ASMTL: variants seen among roughly 807,000 people sequenced by gnomAD.
ASMTL encodes the protein probable bifunctional dTTP/UTP pyrophosphatase/methyltransferase protein.
A neutral mutation model predicts 60.3 loss-of-function variants in ASMTL; 57 were observed. The ratio of observed to expected loss-of-function variants is 0.95; its 90% CI spans 0.76 to 1.18. The LOEUF is 1.18. Among genes scored for constraint, ASMTL ranks in the 50% most tolerant of loss-of-function variants. The probability of loss-of-function intolerance (pLI) is 0.00; values close to 1 mark genes in which losing one functional copy is unlikely to be tolerated. For synonymous variants in ASMTL, 419 were observed against 373.0 expected (o/e 1.12, Z -1.42); for missense variants, 981 against 852.6 (o/e 1.15, Z -1.88).
At chrX:1,420,978 G>C (rs1195557538) in intron 9 of ASMTL, among the ~76,000 whole-genome samples, 1 of 98,384 alleles carries the variant, frequency 1.0e-5, no homozygotes, top group Non-Finnish European at 1.9e-5. Flanking sequence ...TTTTTTTTTT[G>C]AGATGGAGTT....
intron 3 of ASMTL, among the ~76,000 whole-genome samples, chrX:1,436,644 A>T: frequency 6.6e-6 from 1 of 151,268 alleles, no homozygotes; most frequent in East Asian, 1.9e-4. Flanking sequence ...GAGCCACCGC[A>T]CCCGGCCAGC....
chrX:1,450,748 C>G (rs1286774861), intron 1 of ASMTL, among the ~76,000 whole-genome samples: 1 of 143,318 alleles, frequency 7.0e-6, no homozygotes, highest in Non-Finnish European at 1.5e-5. Context: ...TCCCCTCCCC[C>G]ATCCCTAGGG....
intron 12 of ASMTL, 86 bp from the exon 13 acceptor site, chrX:1,403,575 A>T (rs2089675939): frequency 7.8e-7 from 1 of 1,279,950 alleles, no homozygotes; most frequent in Non-Finnish European, 1.1e-6. Flanking sequence ...AGGCAACAGG[A>T]GCTCAGAACG....
intron 5 of ASMTL, among the ~76,000 whole-genome samples, chrX:1,433,085 G>A (rs1267688632): frequency 1.3e-5 from 2 of 152,126 alleles, no homozygotes; most frequent in South Asian, 2.1e-4. Context: ...GCGACAGAGC[G>A]AGACTCTGTC....
chrX:1,404,065 G>A (rs1391754339), intron 12 of ASMTL, among the ~76,000 whole-genome samples: 1 of 152,054 alleles, frequency 6.6e-6, no homozygotes, highest in African/African-American at 2.4e-5. Flanking sequence ...ATGGATGGAT[G>A]GGTGAATAGA....
At chrX:1,450,105 C>A (rs1405823756) in intron 1 of ASMTL, among the ~76,000 whole-genome samples, 2 of 151,562 alleles carry the variant, frequency 1.3e-5, no homozygotes, top group Non-Finnish European at 2.9e-5. Flanking sequence ...ATCCCATCAC[C>A]AGTAACTATC....
rs1444631563 is a variant in ASMTL, at chrX:1,452,759, G to A, written c.82C>T (p.Leu28Phe). 1 of 1,592,816 alleles carries A rather than the reference G, an allele frequency of 6.3e-7. No homozygotes were observed. ...ASASPRRQEI[L>F]SNAGLRFEVV... ...GGCCCAGGCCGTACCGCGTTGCTGAGGATCTCCTGACGGCGTGGGGAGGCG... is the reference window on the plus strand; with the variant it reads ...GGCCCAGGCCGTACCGCGTTGCTGAAGATCTCCTGACGGCGTGGGGAGGCG... The change falls in exon 1 of 13, where the codon CTC becomes TTC. Residue 28 changes from leucine (L) to phenylalanine (F), a missense_variant. Physicochemically the swap from Leu to Phe is conservative, Grantham distance 22 (BLOSUM62 0). Coordinates refer to ENST00000381317, the MANE Select transcript of ASMTL (RefSeq NM_004192.4).
At position 1,423,597 on chromosome X, in the gene ASMTL, C is replaced by T. The variant is rs1341066262; in HGVS notation, c.1061-1755G>A. Among the ~76,000 whole-genome samples, 6 of 151,196 alleles carry T rather than the reference C, an allele frequency of 4.0e-5. No individual in the cohort carries two copies. The East Asian group carries it at 1.2e-3, about 29-fold the overall frequency. On this transcript the variant is annotated intron_variant, in intron 8 of 12. Transcript: ENST00000381317. ...TTATCCACTCACCCACCCATCTAGT[C>T]ATCCACCCACCCATCTGCTGATCCA...
chrX:1,420,180 T>A (rs1304370827), intron 9 of ASMTL, among the ~76,000 whole-genome samples: 1 of 151,862 alleles, frequency 6.6e-6, no homozygotes, highest in Non-Finnish European at 1.5e-5. Context: ...TGTCTCCGCC[T>A]CCCTCTGTCT....
At chrX:1,426,135 C>G (rs1354200178) in intron 7 of ASMTL, among the ~76,000 whole-genome samples, 1 of 151,994 alleles carries the variant, frequency 6.6e-6, no homozygotes, top group Admixed American at 6.6e-5. Context: ...CAGGGACGAC[C>G]CTGTGAGGAC....
At chrX:1,422,971 G>T (rs1167270890) in intron 8 of ASMTL, among the ~76,000 whole-genome samples, 1 of 151,394 alleles carries the variant, frequency 6.6e-6, no homozygotes, top group Non-Finnish European at 1.5e-5. Context: ...AATTTTTTTT[G>T]AGATGGAGTC....
intron 3 of ASMTL, among the ~76,000 whole-genome samples, chrX:1,437,639 T>G (rs2091003485): frequency 6.6e-6 from 1 of 152,180 alleles, no homozygotes; most frequent in South Asian, 2.1e-4. Context: ...GGCTCACGCC[T>G]GTAATCCTAG....
intron 1 of ASMTL, among the ~76,000 whole-genome samples, chrX:1,452,441 TCTAC>T (rs1419613896): frequency 2.2e-5 from 3 of 137,100 alleles, no homozygotes; most frequent in African/African-American, 8.5e-5. Flanking sequence ...CCTGGGTCAC[TCTAC>T]CCTCCCCATT....
rs2090594101 is a variant in ASMTL at position 1,425,606 on chromosome X, T to C, written c.979A>G (p.Lys327Glu). 3 of 1,613,804 alleles carry C rather than the reference T, an allele frequency of 1.9e-6. No individual in the cohort carries two copies. In the East Asian group the frequency reaches 6.7e-5, roughly 36 times the overall value. ...ATTCCACACGCAGAGGCGTCCACTTTGCTGGCAATATCCGCAGCCTTCTGG... is the reference window on the plus strand; with the variant it reads ...ATTCCACACGCAGAGGCGTCCACTTCGCTGGCAATATCCGCAGCCTTCTGG... ...APQKAADIAS[K>E]VDASACGMER... The change falls in exon 8 of 13, where the codon AAA becomes GAA. Residue 327 changes from lysine (K) to glutamate (E), a missense_variant. By Grantham distance (56) the Lys-to-Glu change is moderately conservative. Coordinates refer to ENST00000381317, the MANE Select transcript of ASMTL (RefSeq NM_004192.4).
chrX:1,415,080 A>G (rs1381015555), intron 11 of ASMTL, among the ~76,000 whole-genome samples: 1 of 151,152 alleles, frequency 6.6e-6, no homozygotes, highest in Non-Finnish European at 1.5e-5. Flanking sequence ...AGGTGGGATT[A>G]TAGGCACCCG....
At chrX:1,452,108 AG>A (rs2091407890) in intron 1 of ASMTL, among the ~76,000 whole-genome samples, 3 of 96,602 alleles carry the variant, frequency 3.1e-5, no homozygotes, top group South Asian at 3.9e-4. Flanking sequence ...CCCCATCCCT[AG>A]GGGGTCCTGG....
At position 1,421,810 on chromosome X, in the gene ASMTL, G is replaced by C; in HGVS notation, c.1093C>G (p.Leu365Val). The stretch of plus-strand genomic sequence containing the variant: ...AGAGAGTATTCGCCATCCGATGCCA[G>C]GTAGACGTTCGCTGTCTCTGTGTTA... ...YSNTETANVY[L>V]ASDGEYSLHG... is the part of the protein sequence containing the mutation. The change falls in exon 9 of 13, where the codon CTG becomes GTG. Residue 365 changes from leucine to valine, a missense_variant. Transcript: ENST00000381317. The C allele has an allele frequency of 6.2e-7, 1 of 1,613,854 alleles. No homozygotes were observed. The highest frequency in any genetic ancestry group is 8.5e-7 in the Non-Finnish European group (1 of 1,179,840).
At chrX:1,437,070 C>G (rs1179450794) in intron 3 of ASMTL, among the ~76,000 whole-genome samples, 3 of 149,722 alleles carry the variant, frequency 2.0e-5, no homozygotes, top group African/African-American at 7.4e-5. Context: ...ATCTCCTCTT[C>G]TTATGAGATG....
At chrX:1,432,731 A>T (rs1179301888) in intron 5 of ASMTL, among the ~76,000 whole-genome samples, 1 of 152,134 alleles carries the variant, frequency 6.6e-6, no homozygotes. Context: ...CGGGAGGCTG[A>T]GGCAGGAGAA....
Sources: gnomAD v4.1 joint callset for allele counts (sites outside exome capture counted in the v4.1 genomes callset) on GRCh38, gnomAD v4.1.1 for gene constraint, MANE v1.5 for transcripts, NCBI Gene and HGNC (gene_info 2026-07-23, HGNC 2026-07-21) for gene names.